Variants in RAF1 observed in about 807,000 individuals in gnomAD.
The protein encoded by RAF1 is RAF proto-oncogene serine/threonine-protein kinase.
A neutral mutation model predicts 81.1 loss-of-function variants in RAF1; 27 were observed. The ratio of observed to expected loss-of-function variants is 0.33; its 90% CI spans 0.25 to 0.46. The LOEUF (loss-of-function observed/expected upper bound fraction) is 0.46, where lower values mean the gene tolerates loss of function less well. RAF1 is among the 20% of genes least tolerant of loss of function. RAF1 has a pLI of 1.00. For missense variants in RAF1, 598 were observed against 826.0 expected, an observed-to-expected ratio of 0.72 and a Z score of 3.38; for synonymous variants, 298 against 294.0, an observed-to-expected ratio of 1.01 and a Z score of -0.14.
chr3:12,593,485 G>GA (rs1553611650), intron 11 of RAF1, among the ~76,000 whole-genome samples: 3 of 150,952 alleles, frequency 2.0e-5, no homozygotes, highest in Non-Finnish European at 4.4e-5. Context: ...AAGTTTCAAC[G>GA]AGTCCCCATG....
intron 1 of RAF1, among the ~76,000 whole-genome samples, chr3:12,659,373 A>G (rs1463012414): frequency 7.2e-6 from 1 of 139,812 alleles, no homozygotes; most frequent in Non-Finnish European, 1.5e-5. Context: ...GGTTGTAGTG[A>G]GCCAAGATCA....
At chr3:12,633,945 A>C (rs962672730) in intron 1 of RAF1, among the ~76,000 whole-genome samples, 8 of 151,716 alleles carry the variant, frequency 5.3e-5, no homozygotes, top group South Asian at 2.1e-4. Context: ...AAAAAAAAAA[A>C]AAAAAACAAA....
rs904646551 is a variant in RAF1, at chr3:12,583,782, TGTTA to T, written c.*728_*731del. On this transcript the variant is annotated 3_prime_UTR_variant, in exon 18 of 18. Coordinates refer to ENST00000442415, the MANE Select transcript of RAF1 (RefSeq NM_001354689.3). ...AAACAAGGCTGTTTGTTTGTTTGTTTGTTAGAGAAACAAGGCTGGCCCTGCGGCC... is the reference window on the plus strand; with the variant it reads ...AAACAAGGCTGTTTGTTTGTTTGTTTGAGAAACAAGGCTGGCCCTGCGGCC... The T allele has an allele frequency of 2.6e-5, 6 of 231,274 alleles. No individual in the cohort carries two copies. The highest frequency in any genetic ancestry group is 4.3e-5 in the Non-Finnish European group (5 of 116,742). The allele number at this position is 231,274 out of a possible 1,614,324, so 14.3% of individuals were successfully genotyped here. A position where few individuals can be genotyped will look rare whatever the true frequency, so the allele number is the denominator to read the frequency against.
Position 12,625,638 on chromosome 3 carries a change from A to C in RAF1, c.-26-6891T>G, listed in dbSNP as rs1052444920. 4.6e-5 allele frequency among the ~76,000 whole-genome samples: 7 copies of C among 152,316 alleles called. No homozygotes were observed. In the East Asian group the frequency reaches 1.2e-3, roughly 25 times the overall value. ...AATTTAAGGCAGGACTGGTTTAAAA[A>C]CAAGACCTCCCAGGAAAGAATACTG... is the stretch of plus-strand genomic sequence containing the variant. On this transcript the variant is annotated intron_variant, in intron 1 of 17. Coordinates refer to ENST00000442415, the MANE Select transcript of RAF1 (RefSeq NM_001354689.3).
At chr3:12,603,276 C>T (rs551796779) in intron 8 of RAF1, among the ~76,000 whole-genome samples, 2 of 152,204 alleles carry the variant, frequency 1.3e-5, no homozygotes, top group South Asian at 4.1e-4. Context: ...ATCAATACCA[C>T]ATACAACATT....
chr3:12,600,480 AAAG>A, intron 8 of RAF1, 65 bp from the exon 8 acceptor site: 2 of 1,560,604 alleles, frequency 1.3e-6, no homozygotes, highest in Non-Finnish European at 8.8e-7. Flanking sequence ...GGGAGGGAAA[AAAG>A]AGGAGGAGGA....
rs2058320495 is a variant in RAF1, at chr3:12,585,943, G to A, written c.1478-144C>T. 9 of 694,292 alleles carry A rather than the reference G, an allele frequency of 1.3e-5. No homozygotes were observed. In the East Asian group the frequency reaches 2.1e-4, roughly 16 times the overall value. 43.0% of individuals were successfully genotyped at this position (694,292 alleles called of 1,614,324 possible). A position where few individuals can be genotyped will look rare whatever the true frequency, so the allele number is the denominator to read the frequency against. On this transcript the variant is annotated intron_variant, in intron 14 of 17. Coordinates refer to ENST00000442415, the MANE Select transcript of RAF1 (RefSeq NM_001354689.3). ...CACTGAACTTCCTAAGGTTTCTGAA[G>A]TTCTTTAAAGTGCTTTTGAAATGCA...
At chr3:12,596,690 T>G (rs1200322658) in intron 11 of RAF1, among the ~76,000 whole-genome samples, 1 of 152,190 alleles carries the variant, frequency 6.6e-6, no homozygotes, top group African/African-American at 2.4e-5. Flanking sequence ...CAGTTGTAAT[T>G]TTTAAGATAC....
intron 1 of RAF1, among the ~76,000 whole-genome samples, chr3:12,647,251 G>A (rs1230684203): frequency 2.0e-5 from 3 of 148,328 alleles, no homozygotes; most frequent in East Asian, 2.0e-4. Flanking sequence ...AGCTGAGATC[G>A]CGCCACTGCA....
intron 1 of RAF1, among the ~76,000 whole-genome samples, chr3:12,652,051 T>TG (rs1159498473): frequency 1.6e-5 from 2 of 127,772 alleles, no homozygotes; most frequent in African/African-American, 5.5e-5. Context: ...AATAAATAAA[T>TG]AAATGATATA....
intron 13 of RAF1, chr3:12,587,840 T>A: frequency 2.4e-5 from 8 of 331,674 alleles, no homozygotes; most frequent in East Asian, 1.1e-4. Flanking sequence ...CTTACACCTT[T>A]TTTTTTTTTT....
Position 12,664,060 on chromosome 3 carries a change from C to G in RAF1, c.-274G>C. On this transcript the variant is annotated 5_prime_UTR_variant, in exon 1 of 18. It removes the in-frame stop codon of an upstream open reading frame in the 5' UTR. Transcript: ENST00000442415. ...AGGCAGCAGAAAGCCGTTCCCGCCT[C>G]ACAATCGTTTTCCTCTTACTCCCGC... is the stretch of plus-strand genomic sequence containing the variant. 2.5e-6 allele frequency: 1 copy of G among 398,510 alleles called. No homozygotes were observed. The highest frequency in any genetic ancestry group is 4.4e-6 in the Non-Finnish European group (1 of 225,970). 24.7% of individuals were successfully genotyped at this position (398,510 alleles called of 1,614,324 possible). A position where few individuals can be genotyped will look rare whatever the true frequency, so the allele number is the denominator to read the frequency against.
intron 12 of RAF1, 101 bp downstream of exon 11, chr3:12,591,607 G>A (rs1305726216): frequency 1.1e-5 from 11 of 1,013,392 alleles, no homozygotes. Context: ...AGTCCTAACT[G>A]CCTGCCCGTC....
chr3:12,636,100 G>A (rs111654948), intron 1 of RAF1, among the ~76,000 whole-genome samples: 32,108 of 151,302 alleles, frequency 0.21, 3,660 homozygotes, highest in African/African-American at 0.29. Flanking sequence ...AGCCTGGCCA[G>A]TGTGGTGAAA....
chr3:12,584,706 A>C (rs2125317995), intron 17 of RAF1, 49 bp from the exon 17 acceptor site: 1 of 1,613,836 alleles, frequency 6.2e-7, no homozygotes, highest in South Asian at 1.1e-5. Flanking sequence ...TCAAAGACAC[A>C]GGATGTACCC....
At position 12,600,101 on chromosome 3, in the gene RAF1, G is replaced by T. The variant is rs748433033; in HGVS notation, c.1050+51C>A. 1.9e-6 allele frequency: 3 copies of T among 1,612,098 alleles called. No homozygotes were observed. The African/African-American group carries it at 4.0e-5, about 22-fold the overall frequency. On this transcript the variant is annotated intron_variant, in intron 10 of 17. Transcript: ENST00000442415. ...TTTAAGTATTCTAATTTCCAACGAG[G>T]TTTTTCTTACTGAACCCTAATTGGC... is the stretch of plus-strand genomic sequence containing the variant.
chr3:12,598,725 CAAAAAAAAAA>C (rs59472802), intron 11 of RAF1, among the ~76,000 whole-genome samples: 4 of 61,966 alleles, frequency 6.5e-5, no homozygotes, highest in South Asian at 9.5e-4. Flanking sequence ...GAATCTATCT[CAAAAAAAAAA>C]AAAAAAAAAA....
intron 16 of RAF1, 62 bp downstream of exon 15, chr3:12,585,060 T>G: frequency 6.2e-7 from 1 of 1,614,080 alleles, no homozygotes; most frequent in Non-Finnish European, 8.5e-7. Context: ...TCTAGCTGCT[T>G]AGGCTGGCGG....
At chr3:12,596,650 T>TA (rs1394446497) in intron 11 of RAF1, among the ~76,000 whole-genome samples, 2 of 152,170 alleles carry the variant, frequency 1.3e-5, no homozygotes, top group Admixed American at 6.5e-5. Context: ...TGGGCTGAGT[T>TA]AAAAAAATCT....
Sources: allele counts gnomAD v4.1 joint callset (sites outside exome capture counted in the v4.1 genomes callset), GRCh38; gene constraint gnomAD v4.1.1; transcripts MANE v1.5; gene names NCBI Gene and HGNC (gene_info 2026-07-23, HGNC 2026-07-21).